Variants in HEATR5B observed in about 807,000 individuals in gnomAD.
The protein encoded by HEATR5B is HEAT repeat-containing protein 5B.
In HEATR5B, 156 loss-of-function variants were observed where a neutral mutation model predicts 224.1. That is an observed-to-expected ratio of 0.70 (90% CI 0.61 to 0.80). The LOEUF (loss-of-function observed/expected upper bound fraction) is 0.80, where lower values mean the gene tolerates loss of function less well. Among genes scored for constraint, HEATR5B ranks in the 30% least tolerant of loss-of-function variants. The pLI is 0.00. For missense variants in HEATR5B, 2,323 were observed against 2,535.5 expected, an observed-to-expected ratio of 0.92 and a Z score of 1.80; for synonymous variants, 1,027 against 893.0, an observed-to-expected ratio of 1.15 and a Z score of -2.68.
At chr2:37,000,843 T>C in intron 32 of HEATR5B, 30 bp from the exon 33 acceptor site, 1 of 1,412,458 alleles carries the variant, frequency 7.1e-7, no homozygotes, top group Non-Finnish European at 1.0e-6. Context: ...GATCACCTCA[T>C]AACTATTCAG....
intron 8 of HEATR5B, among the ~76,000 whole-genome samples, chr2:37,067,495 G>C (rs992211702): frequency 6.6e-6 from 1 of 152,100 alleles, no homozygotes; most frequent in East Asian, 1.9e-4. Flanking sequence ...CTGGCTGGGC[G>C]TGGTGGCTCA....
chr2:37,040,478 C>G lies in HEATR5B; in HGVS notation c.2897G>C (p.Ser966Thr). The stretch of plus-strand genomic sequence containing the variant: ...CACATAGCCACGATACATCGGACCA[C>G]TAGAATCCACTATCAAAGCAAGTGA... ...LHSLALIVDS[S>T]GPMYRGYVEP... The change falls in exon 20 of 36, where the codon AGT becomes ACT. Residue 966 changes from serine to threonine, a missense_variant. By Grantham distance (58) the Ser-to-Thr change is moderately conservative (BLOSUM62 1). Transcript: ENST00000233099. The G allele has an allele frequency of 1.2e-6, 2 of 1,612,394 alleles. No homozygotes were observed. Among genetic ancestry groups the G allele is most frequent in the Non-Finnish European group, 8.5e-7 (1 of 1,179,542 alleles).
At chr2:37,046,865 C>T (rs1444357599) in intron 18 of HEATR5B, among the ~76,000 whole-genome samples, 1 of 151,276 alleles carries the variant, frequency 6.6e-6, no homozygotes, top group Non-Finnish European at 1.5e-5. Context: ...CCCTGGCCAA[C>T]ATGGTGAAAC....
chr2:37,074,881 T>A (rs952868437), intron 5 of HEATR5B, among the ~76,000 whole-genome samples: 4 of 152,208 alleles, frequency 2.6e-5, no homozygotes, highest in African/African-American at 4.8e-5. Context: ...TATGTATCCA[T>A]TAGAATGGCT....
rs766148486 is a variant in HEATR5B at position 36,989,899 on chromosome 2, C to CTTTTTTT, written c.5697+742_5697+748dup. 6.1e-4 allele frequency among the ~76,000 whole-genome samples: 54 copies of CTTTTTTT among 88,902 alleles called. 2 individuals are homozygous for CTTTTTTT. Among genetic ancestry groups the CTTTTTTT allele is most frequent in the African/African-American group, 1.3e-3 (28 of 21,012 alleles). The allele number at this position is 88,902 out of a possible 152,430, so 58.3% of individuals were successfully genotyped here. ...CAGTACTGGAATCCAAGAATGTTTCCTTTTTTTTTTTTTTTTTTTTTTTTG... is the reference window on the plus strand; with the variant it reads ...CAGTACTGGAATCCAAGAATGTTTCCTTTTTTTTTTTTTTTTTTTTTTTTTTTTTTTG... On this transcript the variant is annotated intron_variant, in intron 34 of 35. Coordinates refer to ENST00000233099, the MANE Select transcript of HEATR5B (RefSeq NM_019024.3).
At chr2:37,044,118 C>G (rs567763718) in intron 18 of HEATR5B, among the ~76,000 whole-genome samples, 2 of 152,218 alleles carry the variant, frequency 1.3e-5, no homozygotes, top group East Asian at 3.9e-4. Context: ...TCTTCAAAAT[C>G]CAATATGTAT....
Position 37,062,057 on chromosome 2 carries a change from G to T in HEATR5B, c.1585-7C>A, listed in dbSNP as rs768773862. 6.7e-7 allele frequency: 1 copy of T among 1,490,998 alleles called. No individual in the cohort carries two copies. The highest frequency in any genetic ancestry group is 9.4e-7 in the Non-Finnish European group (1 of 1,068,442). The allele number at this position is 1,490,998 out of a possible 1,614,324, so 92.4% of individuals were successfully genotyped here. Reference sequence around the variant, plus strand: ...CAGCAATACTAACTACCATCTGCAAGAAAAGTTTAGAATTGGATTTTAATT... The same window carrying T: ...CAGCAATACTAACTACCATCTGCAATAAAAGTTTAGAATTGGATTTTAATT... On this transcript the variant is annotated splice_region_variant and splice_polypyrimidine_tract_variant and intron_variant, in intron 10 of 35. Coordinates refer to ENST00000233099, the MANE Select transcript of HEATR5B (RefSeq NM_019024.3).
At chr2:37,007,887 T>C (rs1233094933) in intron 28 of HEATR5B, among the ~76,000 whole-genome samples, 1 of 152,198 alleles carries the variant, frequency 6.6e-6, no homozygotes, top group Non-Finnish European at 1.5e-5. Context: ...AGAATTTACC[T>C]CTTCATTGTT....
intron 35 of HEATR5B, among the ~76,000 whole-genome samples, chr2:36,982,863 TACACACACACACACAC>T (rs3836070): frequency 1.5e-4 from 19 of 126,060 alleles, no homozygotes; most frequent in East Asian, 4.8e-4. Flanking sequence ...CAGACACAGA[TACACACACACACACAC>T]ACACACACAC....
intron 22 of HEATR5B, among the ~76,000 whole-genome samples, chr2:37,030,064 T>C (rs566213108): frequency 2.6e-5 from 4 of 152,318 alleles, no homozygotes; most frequent in African/African-American, 7.2e-5. Context: ...AGAAAATCTT[T>C]TCATTCTTGT....
In HEATR5B at chr2:36,988,634, G is replaced by C; in HGVS notation, c.5911+12C>G. On this transcript the variant is annotated intron_variant, in intron 35 of 35. Coordinates refer to ENST00000233099, the MANE Select transcript of HEATR5B (RefSeq NM_019024.3). ...ATTCTGAACTAGTAGCTTTTTATAA[G>C]AATATACTTACTGTTTTGTTCTTCA... The C allele has an allele frequency of 6.3e-7, 1 of 1,592,464 alleles. No individual in the cohort carries two copies. Among genetic ancestry groups the C allele is most frequent in the Non-Finnish European group, 8.6e-7 (1 of 1,161,220 alleles).
At chr2:37,005,572 A>T in intron 30 of HEATR5B, 60 bp downstream of exon 30, 1 of 1,505,416 alleles carries the variant, frequency 6.6e-7, no homozygotes, top group Non-Finnish European at 9.1e-7. Context: ...CCTTTTTTCC[A>T]TTGTAAAGCA....
rs149544614 is a variant in HEATR5B at position 37,018,736 on chromosome 2, G to A, written c.4104+1073C>T. Among the ~76,000 whole-genome samples, 11 of 152,314 alleles carry A rather than the reference G, an allele frequency of 7.2e-5. No homozygotes were observed. In the East Asian group the frequency reaches 1.9e-3, roughly 27 times the overall value. ...ACTCCAGAAAACTAGGAAGAAGAGA[G>A]TTGCTTATCTTCTCTCTTTAGGTAA... is the stretch of plus-strand genomic sequence containing the variant. On this transcript the variant is annotated intron_variant, in intron 26 of 35. Transcript: ENST00000233099.
chr2:37,024,558 G>C (rs1668653703), intron 24 of HEATR5B, among the ~76,000 whole-genome samples: 1 of 152,028 alleles, frequency 6.6e-6, no homozygotes, highest in Admixed American at 6.6e-5. Context: ...AGAAAAGATG[G>C]TAATTATGTT....
At chr2:37,084,225 ACAGG>A in intron 1 of HEATR5B, 40 bp downstream of exon 1, 1 of 369,494 alleles carries the variant, frequency 2.7e-6, no homozygotes, top group Non-Finnish European at 4.8e-6. Context: ...TGTACGTCGG[ACAGG>A]AGTCCGTGCG....
At chr2:36,987,843 T>C (rs896123874) in intron 35 of HEATR5B, among the ~76,000 whole-genome samples, 1 of 152,096 alleles carries the variant, frequency 6.6e-6, no homozygotes, top group Non-Finnish European at 1.5e-5. Context: ...CCAAGGCAGG[T>C]GGATCGCTTG....
Position 37,064,819 on chromosome 2 carries a change from C to T in HEATR5B, c.1505G>A (p.Ser502Asn). 2 of 1,614,096 alleles carry T rather than the reference C, an allele frequency of 1.2e-6. No individual in the cohort carries two copies. Among genetic ancestry groups the T allele is most frequent in the Non-Finnish European group, 1.7e-6 (2 of 1,180,000 alleles). The stretch of plus-strand genomic sequence containing the variant: ...AGCAGCCATTGCAAAACTATATCCA[C>T]TGACAGCTTCTGGTGAGGTCTTCAA... Reference protein sequence around the residue: ...NNLKTSPEAVSGYSFAMAALL... With the variant: ...NNLKTSPEAVNGYSFAMAALL... The change falls in exon 10 of 36, where the codon AGT (serine) becomes AAT (asparagine). Residue 502 changes from serine (S) to asparagine (N), a missense_variant. Coordinates refer to ENST00000233099, the MANE Select transcript of HEATR5B (RefSeq NM_019024.3).
At chr2:36,996,847 C>T (rs1401593129) in intron 33 of HEATR5B, among the ~76,000 whole-genome samples, 1 of 152,200 alleles carries the variant, frequency 6.6e-6, no homozygotes, top group East Asian at 1.9e-4. Context: ...CCGCCTCAGC[C>T]TCCCAAAGTG....
At chr2:37,066,374 A>T (rs533522780) in intron 8 of HEATR5B, among the ~76,000 whole-genome samples, 8 of 152,366 alleles carry the variant, frequency 5.3e-5, no homozygotes, top group African/African-American at 1.9e-4. Flanking sequence ...AGAATTTAAC[A>T]CAATGCTGCC....
Sources: allele counts gnomAD v4.1 joint callset (sites outside exome capture counted in the v4.1 genomes callset), GRCh38; gene constraint gnomAD v4.1.1; transcripts MANE v1.5; gene names NCBI Gene and HGNC (gene_info 2026-07-23, HGNC 2026-07-21).